The following SLX4 variants were observed in gnomAD, a reference collection of about 807,000 sequenced individuals.
The protein encoded by SLX4 is structure-specific endonuclease subunit SLX4.
A neutral mutation model predicts 146.2 loss-of-function variants in SLX4; 112 were observed. That is an observed-to-expected ratio of 0.77 (90% confidence interval 0.66 to 0.90). The LOEUF is 0.90. Among genes scored for constraint, SLX4 ranks in the 40% least tolerant of loss-of-function variants. SLX4 has a pLI of 0.00. For synonymous variants in SLX4, 1,061 were observed against 997.7 expected (o/e 1.06, Z -1.20); for missense variants, 2,563 against 2,392.7 (o/e 1.07, Z -1.49).
In SLX4 at chr16:3,590,427, G is replaced by T; in HGVS notation, c.3211C>A (p.Pro1071Thr). ...GGCACAGCTGGAGACAGCAAGGTTG[G>T]GGAGCCCACCTGGGAAGTTCCGCCA... ...SRGGTSQVGS[P>T]TLLSPAVPSK... The change falls in exon 12 of 15, where the codon CCA (proline) becomes ACA (threonine). Residue 1071 changes from proline to threonine, a missense_variant. Transcript: ENST00000294008. The surrounding 1 kb of genome is among the most constrained non-coding windows in gnomAD (Gnocchi z 4.8). The T allele has an allele frequency of 6.2e-7, 1 of 1,614,186 alleles. No homozygotes were observed. The highest frequency in any genetic ancestry group is 1.1e-5 in the South Asian group (1 of 91,084).
Position 3,602,156 on chromosome 16 carries a change from T to A in SLX4, c.912A>T (p.Ser304=). The A allele has an allele frequency of 1.2e-6, 2 of 1,614,158 alleles. No individual in the cohort carries two copies. Among genetic ancestry groups the A allele is most frequent in the Non-Finnish European group, 1.7e-6 (2 of 1,180,028 alleles). ...GTTCCCTTCGGGTCACGTTCATGGC[T>A]GAGAGGTTCTTTTGACAAATCTGGC... ...FFCQICQKNL[S]AMNVTRREQH... The change falls in exon 4 of 15, where the codon TCA becomes TCT. Residue 304 remains serine (S), a synonymous_variant. Transcript: ENST00000294008.
chr16:3,600,500 C>T (rs1347816419), intron 5 of SLX4: 2 of 177,854 alleles, frequency 1.1e-5, no homozygotes, highest in African/African-American at 4.8e-5. Context: ...GTCCCCTCCT[C>T]ACTCCCTTCT....
chr16:3,584,112 A>T (rs547488254), intron 13 of SLX4, among the ~76,000 whole-genome samples: 1 of 152,034 alleles, frequency 6.6e-6, no homozygotes, highest in East Asian at 1.9e-4. Flanking sequence ...TGTGAGAGTT[A>T]AATGTTCTTT....
At position 3,590,548 on chromosome 16, in the gene SLX4, C is replaced by T. The variant is rs771531829; in HGVS notation, c.3090G>A (p.Pro1030=). The change falls in exon 12 of 15, where the codon CCG becomes CCA. Residue 1030 remains proline (P), a synonymous_variant. Coordinates refer to ENST00000294008, the MANE Select transcript of SLX4 (RefSeq NM_032444.4). This position sits in a 1 kb window ranked among gnomAD's most constrained non-coding sequence, Gnocchi z 4.8. The part of the protein sequence containing the change: ...HRLAPWQASP[P]HPCRFLLGPP... ...GCCCCAATAGGAAGCGGCACGGGTG[C>T]GGTGGAGATGCCTGCCAGGGAGCCA... is the stretch of plus-strand genomic sequence containing the variant. The T allele has an allele frequency of 8.7e-6, 14 of 1,612,498 alleles. No individual in the cohort carries two copies. The highest frequency in any genetic ancestry group is 1.2e-5 in the Non-Finnish European group (14 of 1,178,688).
At position 3,590,567 on chromosome 16, in the gene SLX4, G is replaced by A. The variant is rs761262875; in HGVS notation, c.3071C>T (p.Pro1024Leu). 1 of 1,612,532 alleles carries A rather than the reference G, an allele frequency of 6.2e-7. No individual in the cohort carries two copies. Among genetic ancestry groups the A allele is most frequent in the South Asian group, 1.1e-5 (1 of 91,076 alleles). ...RGLEVSHRLA[P>L]WQASPPHPCR... The stretch of plus-strand genomic sequence containing the variant: ...CGGGTGCGGTGGAGATGCCTGCCAG[G>A]GAGCCAGGCGATGAGAAACCTCCAG... The change falls in exon 12 of 15, where the codon CCC becomes CTC. Residue 1024 changes from proline to leucine, a missense_variant. Coordinates refer to ENST00000294008, the MANE Select transcript of SLX4 (RefSeq NM_032444.4). The surrounding 1 kb of genome is among the most constrained non-coding windows in gnomAD (Gnocchi z 4.8).
chr16:3,599,499 G>A (rs1014351148), intron 5 of SLX4, among the ~76,000 whole-genome samples: 2 of 152,232 alleles, frequency 1.3e-5, no homozygotes, highest in Non-Finnish European at 2.9e-5. Context: ...CTGTGAGCAA[G>A]GCAACTCATT....
intron 3 of SLX4, among the ~76,000 whole-genome samples, chr16:3,606,149 G>C (rs1293092723): frequency 6.6e-6 from 1 of 151,184 alleles, no homozygotes; most frequent in East Asian, 2.0e-4. Context: ...AATCCCACTG[G>C]CTGGGGCAAG....
At chr16:3,602,070 G>T in intron 4 of SLX4, 48 bp downstream of exon 4, 1 of 1,612,622 alleles carries the variant, frequency 6.2e-7, no homozygotes, top group Non-Finnish European at 8.5e-7. Flanking sequence ...GGTGCTTGGG[G>T]ATTCTGGTCA....
intron 12 of SLX4, among the ~76,000 whole-genome samples, chr16:3,585,107 G>C (rs539132294): frequency 6.6e-6 from 1 of 152,236 alleles, no homozygotes; most frequent in East Asian, 1.9e-4. Flanking sequence ...CGGGTGAACA[G>C]AGCTCCTGGG....
In SLX4 at chr16:3,606,639, T is replaced by G. The variant is rs770098753; in HGVS notation, c.595A>C (p.Ser199Arg). 1.2e-6 allele frequency: 2 copies of G among 1,614,206 alleles called. No homozygotes were observed. The highest frequency in any genetic ancestry group is 1.7e-6 in the Non-Finnish European group (2 of 1,180,040). ...TGTGCTGTGCGGGGTTTGGAGGGAC[T>G]TGGCACTGCTGTTGTCAAACAGGAA... The part of the protein sequence containing the change: ...PPSCLTTAVP[S>R]PSKPRTAQLV... Residue 199 changes from serine (S) to arginine (R), a missense_variant, in exon 3 of 15, where the codon AGT becomes CGT. Ser to Arg is a moderately radical substitution (Grantham distance 110). Coordinates refer to ENST00000294008, the MANE Select transcript of SLX4 (RefSeq NM_032444.4).
rs199863797 is a variant in SLX4, at chr16:3,596,231, C to T, written c.1846G>A (p.Val616Met). 3.1e-5 allele frequency: 48 copies of T among 1,551,950 alleles called. No homozygotes were observed. The highest frequency in any genetic ancestry group is 5.8e-5 in the Admixed American group (3 of 51,724). ...QREHQALQDLVDLAREGLSAS... is the reference protein window; with the variant it reads ...QREHQALQDLMDLAREGLSAS... Reference sequence around the variant, plus strand: ...CTCAGTCCCTCCCTCGCCAGGTCCACGAGGTCCTGCAGGGCCTGGTGCTCC... The same window carrying T: ...CTCAGTCCCTCCCTCGCCAGGTCCATGAGGTCCTGCAGGGCCTGGTGCTCC... The change falls in exon 8 of 15, where the codon GTG (valine) becomes ATG (methionine). Residue 616 changes from valine to methionine, a missense_variant. Coordinates refer to ENST00000294008, the MANE Select transcript of SLX4 (RefSeq NM_032444.4).
chr16:3,605,277 G>A (rs2040770079), intron 3 of SLX4, among the ~76,000 whole-genome samples: 1 of 152,084 alleles, frequency 6.6e-6, no homozygotes, highest in South Asian at 2.1e-4. Context: ...TTTTCATAGA[G>A]ATGGGGTTTC....
chr16:3,589,021 G>A lies in SLX4; in HGVS notation c.4617C>T (p.Pro1539=), dbSNP rs545723462. ...QMPSAGGAQK[P]EGLETPKGAN... is the part of the protein sequence containing the mutation. ...ACTCACTGGGTGTCTCTAACCCTTC[G>A]GGCTTCTGAGCTCCACCAGCGCTTG... The change falls in exon 12 of 15, where the codon CCC becomes CCT. Residue 1539 remains proline (P), a synonymous_variant. Coordinates refer to ENST00000294008, the MANE Select transcript of SLX4 (RefSeq NM_032444.4). The surrounding 1 kb of genome is among the most constrained non-coding windows in gnomAD (Gnocchi z 6.2). 6 of 1,614,038 alleles carry A rather than the reference G, an allele frequency of 3.7e-6. No individual in the cohort carries two copies. Among genetic ancestry groups the A allele is most frequent in the South Asian group, 3.3e-5 (3 of 91,072 alleles).
At chr16:3,592,146 G>T (rs1240739220) in intron 11 of SLX4, among the ~76,000 whole-genome samples, 1 of 152,380 alleles carries the variant, frequency 6.6e-6, no homozygotes, top group Non-Finnish European at 1.5e-5. Flanking sequence ...AGGCTGAGCT[G>T]TTCCTTTCCT....
intron 14 of SLX4, 21 bp from the exon 15 acceptor site, chr16:3,582,714 A>T (rs1567166104): frequency 6.3e-7 from 1 of 1,594,264 alleles, no homozygotes; most frequent in East Asian, 2.2e-5. Flanking sequence ...CCAGACCAGG[A>T]CGTTGTGCAA....
rs1456599585 is a variant in SLX4, at chr16:3,609,446, G to A, written c.-482C>T. 1.8e-5 allele frequency: 3 copies of A among 162,888 alleles called. No homozygotes were observed. Among genetic ancestry groups the A allele is most frequent in the African/African-American group, 2.4e-5 (1 of 41,528 alleles). The allele number at this position is 162,888 out of a possible 1,614,324, so 10.1% of individuals were successfully genotyped here. A position where few individuals can be genotyped will look rare whatever the true frequency, so the allele number is the denominator to read the frequency against. ...TAATAAATAAATAAAGTTCACAACTGAAAGAGTGTTTTGTTGTCCAATAGA... is the reference window on the plus strand; with the variant it reads ...TAATAAATAAATAAAGTTCACAACTAAAAGAGTGTTTTGTTGTCCAATAGA... On this transcript the variant is annotated 5_prime_UTR_variant, in exon 2 of 15. An upstream open reading frame in the 5' UTR gains an earlier in-frame stop. Coordinates refer to ENST00000294008, the MANE Select transcript of SLX4 (RefSeq NM_032444.4).
chr16:3,589,042 G>C lies in SLX4; in HGVS notation c.4596C>G (p.Ser1532Arg), dbSNP rs527733303. 6.2e-7 allele frequency: 1 copy of C among 1,614,126 alleles called. No individual in the cohort carries two copies. Among genetic ancestry groups the C allele is most frequent in the Non-Finnish European group, 8.5e-7 (1 of 1,180,038 alleles). Residue 1532 changes from serine to arginine, a missense_variant, in exon 12 of 15, where the codon AGC becomes AGG. Coordinates refer to ENST00000294008, the MANE Select transcript of SLX4 (RefSeq NM_032444.4). This position sits in a 1 kb window ranked among gnomAD's most constrained non-coding sequence, Gnocchi z 6.2. ...CTTCGGGCTTCTGAGCTCCACCAGCGCTTGGCATCTGGGCCGGAGGAGGGG... is the reference window on the plus strand; with the variant it reads ...CTTCGGGCTTCTGAGCTCCACCAGCCCTTGGCATCTGGGCCGGAGGAGGGG... ...PETPPPAQMP[S>R]AGGAQKPEGL... is the part of the protein sequence containing the mutation.
At chr16:3,584,100 G>A (rs1278734717) in intron 13 of SLX4, among the ~76,000 whole-genome samples, 1 of 151,926 alleles carries the variant, frequency 6.6e-6, no homozygotes, top group Non-Finnish European at 1.5e-5. Flanking sequence ...GTGTCATGTG[G>A]ATGTGAGAGT....
Position 3,590,214 on chromosome 16 carries a change from A to G in SLX4, c.3424T>C (p.Ser1142Pro), listed in dbSNP as rs1400414235. Reference sequence around the variant, plus strand: ...TCATCTTCTTCGTTCAGTTTGGATGAAGATTTCTGAGATCTGGAGCTCGAA... The same window carrying G: ...TCATCTTCTTCGTTCAGTTTGGATGGAGATTTCTGAGATCTGGAGCTCGAA... The part of the protein sequence containing the change: ...DHSSSRSQKS[S>P]SKLNEEDEVI... Residue 1142 changes from serine (S) to proline (P), a missense_variant, in exon 12 of 15, where the codon TCA (serine) becomes CCA (proline). Ser to Pro is a moderately conservative substitution (Grantham distance 74). Transcript: ENST00000294008. The surrounding 1 kb of genome is among the most constrained non-coding windows in gnomAD (Gnocchi z 4.8). The G allele has an allele frequency of 2.5e-6, 4 of 1,614,064 alleles. No individual in the cohort carries two copies. In the East Asian group the frequency reaches 6.7e-5, roughly 27 times the overall value.
Sources: gnomAD v4.1 joint callset for allele counts (sites outside exome capture counted in the v4.1 genomes callset) on GRCh38, gnomAD v4.1.1 for gene constraint, Gnocchi (gnomAD v3.1) non-coding constraint, MANE v1.5 for transcripts, NCBI Gene and HGNC (gene_info 2026-07-23, HGNC 2026-07-21) for gene names.